The following TP63 variants were observed in gnomAD, a reference collection of about 807,000 sequenced individuals.
TP63 encodes the protein tumor protein p63, also known as tumor protein 63.
Under a neutral mutation model 82.8 loss-of-function variants are expected in TP63, and 17 were observed. The ratio of observed to expected loss-of-function variants is 0.21; its 90% CI spans 0.14 to 0.31. TP63 has a LOEUF of 0.31. Among genes scored for constraint, TP63 ranks in the 10% least tolerant of loss-of-function variants. TP63 has a pLI of 1.00. For synonymous variants in TP63, 330 were observed against 321.7 expected (o/e 1.03, Z -0.28); for missense variants, 648 against 895.3 (o/e 0.72, Z 3.52).
At chr3:189,654,340 G>A (rs1713143240) in intron 1 of TP63, among the ~76,000 whole-genome samples, 1 of 151,918 alleles carries the variant, frequency 6.6e-6, no homozygotes, top group African/African-American at 2.4e-5. Flanking sequence ...AAACTGAAAT[G>A]TATGTGAAAA....
At chr3:189,789,621 T>C (rs1724915482) in intron 3 of TP63, 1 of 1,346,860 alleles carries the variant, frequency 7.4e-7, no homozygotes, top group East Asian at 3.0e-5. Context: ...TCCTCATGCC[T>C]ATAGTTGGGT....
intron 1 of TP63, among the ~76,000 whole-genome samples, chr3:189,695,742 C>T (rs370141702): frequency 1.3e-5 from 2 of 152,138 alleles, no homozygotes; most frequent in Non-Finnish European, 1.5e-5. Context: ...TGAAAAACCT[C>T]GCTCTCATAC....
At chr3:189,622,011 G>T in the TP63 span, among the ~76,000 whole-genome samples, 1 of 152,208 alleles carries the variant, frequency 6.6e-6, no homozygotes, top group Non-Finnish European at 1.5e-5. Context: ...CTACTCAGGG[G>T]TCACCCCGTG....
At chr3:189,793,485 C>CT (rs1228691106) in intron 3 of TP63, among the ~76,000 whole-genome samples, 2 of 152,008 alleles carry the variant, frequency 1.3e-5, no homozygotes, top group East Asian at 1.9e-4. Context: ...CTGCGTTCTG[C>CT]TATAAAGGGA....
chr3:189,844,430 C>T (rs1294485851), intron 4 of TP63: 2 of 312,674 alleles, frequency 6.4e-6, no homozygotes, highest in East Asian at 2.1e-4. Context: ...GGATTACAGA[C>T]ATGTGACACC....
chr3:189,891,545 C>A (rs1464798279), intron 13 of TP63, among the ~76,000 whole-genome samples: 2 of 152,180 alleles, frequency 1.3e-5, no homozygotes, highest in African/African-American at 2.4e-5. Flanking sequence ...CCCAATCACC[C>A]TTTTTAGTAG....
At chr3:189,781,171 TG>T (rs1333654044) in intron 3 of TP63, among the ~76,000 whole-genome samples, 2 of 152,062 alleles carry the variant, frequency 1.3e-5, no homozygotes, top group Non-Finnish European at 2.9e-5. Flanking sequence ...ATGAGAAAAG[TG>T]GAACTTTAAA....
At chr3:189,819,095 A>G (rs191891440) in intron 4 of TP63, among the ~76,000 whole-genome samples, 1 of 152,334 alleles carries the variant, frequency 6.6e-6, no homozygotes, top group African/African-American at 2.4e-5. Context: ...AAGTGTTTTC[A>G]TAGTAGGAAT....
At chr3:189,855,478 A>G (rs937159534) in intron 4 of TP63, among the ~76,000 whole-genome samples, 2 of 152,168 alleles carry the variant, frequency 1.3e-5, no homozygotes, top group Admixed American at 6.5e-5. Context: ...AAACTGTGCT[A>G]TATGGTGTTA....
At chr3:189,715,669 T>G (rs993366075) in intron 1 of TP63, among the ~76,000 whole-genome samples, 3 of 152,204 alleles carry the variant, frequency 2.0e-5, no homozygotes, top group Non-Finnish European at 4.4e-5. Context: ...TGCTAAAAAT[T>G]GGAGCAGCTA....
intron 4 of TP63, among the ~76,000 whole-genome samples, chr3:189,811,975 T>C (rs568047648): frequency 7.0e-4 from 107 of 152,344 alleles, no homozygotes; most frequent in African/African-American, 2.5e-3. Context: ...CATTTGTGCA[T>C]TTTAGAGCAA....
chr3:189,705,387 G>GT (rs1164399236), intron 1 of TP63, among the ~76,000 whole-genome samples: 1 of 152,044 alleles, frequency 6.6e-6, no homozygotes, highest in African/African-American at 2.4e-5. Context: ...GTAACTTTGA[G>GT]TTTTTTCTTC....
chr3:189,758,626 T>A (rs1245492746), intron 3 of TP63, among the ~76,000 whole-genome samples: 2 of 152,220 alleles, frequency 1.3e-5, no homozygotes, highest in Non-Finnish European at 2.9e-5. Context: ...TTTAATAAAC[T>A]TTCACTCCTG....
chr3:189,616,785 A>G, the TP63 span, among the ~76,000 whole-genome samples: 1 of 152,144 alleles, frequency 6.6e-6, no homozygotes, highest in Admixed American at 6.5e-5. Flanking sequence ...TGCTTCCATG[A>G]GCTGTTTAAC....
Position 189,861,000 on chromosome 3 carries a change from T to C in TP63, c.580-3232T>C, listed in dbSNP as rs146677011. ...GTATTTTTTAACCCGCATCCCCTCC[T>C]ACCTTCCTCATTTTTGGAGTCCTCA... On this transcript the variant is annotated intron_variant, in intron 4 of 13. Coordinates refer to ENST00000264731, the MANE Select transcript of TP63 (RefSeq NM_003722.5). Among the ~76,000 whole-genome samples the C allele has an allele frequency of 5.1e-3, 781 of 152,302 alleles. 10 individuals carry two copies. Among genetic ancestry groups the C allele is most frequent in the African/African-American group, 0.018 (762 of 41,564 alleles).
the TP63 span, among the ~76,000 whole-genome samples, chr3:189,621,165 T>G: frequency 6.6e-6 from 1 of 152,174 alleles, no homozygotes; most frequent in Non-Finnish European, 1.5e-5. Flanking sequence ...TACAGAAAAG[T>G]ATAAAGAAGA....
At chr3:189,771,313 A>G (rs868832531) in intron 3 of TP63, among the ~76,000 whole-genome samples, 127 of 138,286 alleles carry the variant, frequency 9.2e-4, no homozygotes, top group Admixed American at 1.6e-3. Flanking sequence ...TATATATAAT[A>G]TATTATATAT....
At chr3:189,600,007 T>C in the TP63 span, among the ~76,000 whole-genome samples, 63 of 152,356 alleles carry the variant, frequency 4.1e-4, no homozygotes, top group African/African-American at 1.4e-3. Flanking sequence ...AAATGGATAC[T>C]ATACCATTTC....
intron 10 of TP63, chr3:189,880,006 T>C: frequency 6.3e-7 from 1 of 1,590,756 alleles, no homozygotes; most frequent in East Asian, 2.2e-5. Context: ...ATTCAATTGA[T>C]TTGAATAGAT....
Sources: gnomAD v4.1 joint callset for allele counts (sites outside exome capture counted in the v4.1 genomes callset) on GRCh38, gnomAD v4.1.1 for gene constraint, MANE v1.5 for transcripts, NCBI Gene and HGNC (gene_info 2026-07-23, HGNC 2026-07-21) for gene names.